MYOF: variants seen among roughly 807,000 people sequenced by gnomAD.
The protein encoded by MYOF is myoferlin, also known as fer-1-like 3, myoferlin.
A neutral mutation model predicts 284.2 loss-of-function variants in MYOF; 244 were observed. That is an observed-to-expected ratio of 0.86 (90% CI 0.77 to 0.95). The LOEUF (loss-of-function observed/expected upper bound fraction) is 0.95, where lower values mean the gene tolerates loss of function less well. Among genes scored for constraint, MYOF ranks in the 40% least tolerant of loss-of-function variants. MYOF has a pLI of 0.00. For synonymous variants in MYOF, 904 were observed against 919.7 expected (o/e 0.98, Z 0.31); for missense variants, 2,496 against 2,560.6 (o/e 0.97, Z 0.54).
intron 3 of MYOF, among the ~76,000 whole-genome samples, chr10:93,448,951 C>T (rs1029194065): frequency 5.9e-5 from 9 of 151,946 alleles, no homozygotes; most frequent in African/African-American, 1.9e-4. Flanking sequence ...GCCAAGATCA[C>T]GCCACTGCAC....
chr10:93,338,376 T>G (rs1216036662), intron 39 of MYOF: 1 of 456,810 alleles, frequency 2.2e-6, no homozygotes, highest in Non-Finnish European at 4.4e-6. Flanking sequence ...TAATTCAAGT[T>G]CCTTCCTTTA....
chr10:93,320,055 C>T (rs761945115), intron 48 of MYOF, 42 bp from the exon 49 acceptor site: 2 of 1,610,128 alleles, frequency 1.2e-6, no homozygotes, highest in Non-Finnish European at 8.5e-7. Flanking sequence ...ACGTGATTGA[C>T]AAGTCATGTA....
At chr10:93,418,311 A>G (rs542787550) in intron 5 of MYOF, among the ~76,000 whole-genome samples, 45 of 152,258 alleles carry the variant, frequency 3.0e-4, no homozygotes, top group Non-Finnish European at 6.0e-4. Flanking sequence ...TATTTTGGAG[A>G]TAACACATTT....
chr10:93,393,219 C>T (rs1382690383), intron 16 of MYOF, among the ~76,000 whole-genome samples: 1 of 152,242 alleles, frequency 6.6e-6, no homozygotes, highest in East Asian at 1.9e-4. Flanking sequence ...GAAGAGCTAG[C>T]TTCCCGGGGA....
At chr10:93,481,853 G>T (rs61865270) in intron 1 of MYOF, among the ~76,000 whole-genome samples, 2 of 152,036 alleles carry the variant, frequency 1.3e-5, no homozygotes, top group Admixed American at 1.3e-4. Context: ...TCGCAAATAC[G>T]TTTTCTGCCA....
chr10:93,470,302 T>C (rs2057114232), intron 1 of MYOF, among the ~76,000 whole-genome samples: 1 of 152,020 alleles, frequency 6.6e-6, no homozygotes, highest in South Asian at 2.1e-4. Flanking sequence ...AATAACTAAG[T>C]ACATGTGAAG....
intron 5 of MYOF, among the ~76,000 whole-genome samples, chr10:93,411,010 A>G (rs747449842): frequency 1.3e-5 from 2 of 152,196 alleles, no homozygotes; most frequent in Non-Finnish European, 2.9e-5. Context: ...CAGTTTCTTC[A>G]TTTGTAAAGA....
intron 5 of MYOF, among the ~76,000 whole-genome samples, chr10:93,425,294 C>T (rs1848534179): frequency 6.6e-6 from 1 of 152,118 alleles, no homozygotes; most frequent in Non-Finnish European, 1.5e-5. Flanking sequence ...GGGGCCCCTC[C>T]CTTCCTGGGA....
At chr10:93,473,500 G>A (rs763675787) in intron 1 of MYOF, among the ~76,000 whole-genome samples, 14 of 152,250 alleles carry the variant, frequency 9.2e-5, no homozygotes, top group Non-Finnish European at 1.8e-4. Flanking sequence ...ACTAAGGACA[G>A]CCAATTTGCA....
At chr10:93,452,001 A>G in intron 3 of MYOF, 49 bp downstream of exon 3, 2 of 1,263,764 alleles carry the variant, frequency 1.6e-6, no homozygotes, top group East Asian at 2.3e-5. Flanking sequence ...AATAAACAAC[A>G]GTGAGATAGT....
At chr10:93,321,411 C>CAT (rs1308486181) in intron 48 of MYOF, among the ~76,000 whole-genome samples, 1 of 137,270 alleles carries the variant, frequency 7.3e-6, no homozygotes, top group Non-Finnish European at 1.6e-5. Flanking sequence ...TGACTATTAA[C>CAT]CTTTTTTTTT....
intron 25 of MYOF, among the ~76,000 whole-genome samples, chr10:93,368,563 G>A (rs1457164801): frequency 2.0e-5 from 3 of 152,224 alleles, no homozygotes; most frequent in African/African-American, 7.2e-5. Context: ...TAAAAGCTCC[G>A]ATGGACAGAT....
At chr10:93,436,106 G>GT in intron 3 of MYOF, among the ~76,000 whole-genome samples, 1 of 151,960 alleles carries the variant, frequency 6.6e-6, no homozygotes, top group Non-Finnish European at 1.5e-5. Context: ...AGGAGAGAAG[G>GT]TTAGGCCAAT....
rs551941610 is a variant in MYOF at position 93,416,603 on chromosome 10, T to C, written c.434-6864A>G. On this transcript the variant is annotated intron_variant, in intron 5 of 53. Transcript: ENST00000359263. ...GAACCCTGGCTTTGATCAGGCTTTT[T>C]TTTTTTTTTTTTGAGACAGAGTCTC... Among the ~76,000 whole-genome samples, 30 of 149,968 alleles carry C rather than the reference T, an allele frequency of 2.0e-4. 1 individual carries two copies. The South Asian group carries it at 6.3e-3, about 32-fold the overall frequency.
rs552616550 is a variant in MYOF, at chr10:93,396,068, C to T, written c.1417+74G>A. 8 of 1,169,432 alleles carry T rather than the reference C, an allele frequency of 6.8e-6. No homozygotes were observed. The African/African-American group carries it at 9.3e-5, about 14-fold the overall frequency. 72.4% of individuals were successfully genotyped at this position (1,169,432 alleles called of 1,614,324 possible). On this transcript the variant is annotated intron_variant, in intron 16 of 53. Coordinates refer to ENST00000359263, the MANE Select transcript of MYOF (RefSeq NM_013451.4). ...ACCAAACCTACTGTGAGGTGGCTAC[C>T]CCAGTTCATTTTTTTCTCAGACTGG... is the stretch of plus-strand genomic sequence containing the variant.
intron 7 of MYOF, among the ~76,000 whole-genome samples, chr10:93,405,716 C>T (rs1847528622): frequency 6.6e-6 from 1 of 151,996 alleles, no homozygotes. Flanking sequence ...CACATGAGGA[C>T]ACCACATCAT....
chr10:93,324,972 G>C (rs897250220), intron 46 of MYOF, among the ~76,000 whole-genome samples: 1 of 151,982 alleles, frequency 6.6e-6, no homozygotes, highest in Admixed American at 6.6e-5. Context: ...TAGAGACAGG[G>C]TTTCACCATC....
chr10:93,316,474 T>C (rs939229446), intron 50 of MYOF, among the ~76,000 whole-genome samples: 1 of 151,944 alleles, frequency 6.6e-6, no homozygotes, highest in Non-Finnish European at 1.5e-5. Flanking sequence ...GACTTGAGTC[T>C]TCACAGACAG....
intron 9 of MYOF, 118 bp downstream of exon 9, chr10:93,403,905 A>T: frequency 9.3e-7 from 1 of 1,075,544 alleles, no homozygotes; most frequent in East Asian, 2.4e-5. Flanking sequence ...AAGTGTCATC[A>T]TGCTGAACCC....
Sources: allele counts gnomAD v4.1 joint callset (sites outside exome capture counted in the v4.1 genomes callset), GRCh38; gene constraint gnomAD v4.1.1; transcripts MANE v1.5; gene names NCBI Gene and HGNC (gene_info 2026-07-23, HGNC 2026-07-21).